GTF2F2: variants seen among roughly 807,000 people sequenced by gnomAD.
GTF2F2 encodes the protein ATP-dependent helicase GTF2F2.
GTF2F2 carries 23 observed loss-of-function variants against 42.2 expected under a neutral mutation model. The ratio of observed to expected loss-of-function variants is 0.55; its 90% CI spans 0.39 to 0.77. The LOEUF (loss-of-function observed/expected upper bound fraction) is 0.77, where lower values mean the gene tolerates loss of function less well. Ranked by LOEUF, GTF2F2 falls within the 30% of genes least tolerant of loss-of-function variation. The probability of loss-of-function intolerance (pLI) is 0.00; values close to 1 mark genes in which losing one functional copy is unlikely to be tolerated. For missense variants in GTF2F2, 261 were observed against 287.2 expected (o/e 0.91, Z 0.66); for synonymous variants, 105 against 100.8 (o/e 1.04, Z -0.25).
At chr13:45,272,516 G>GAGGATTGCTTGAGCTCA (rs1876842474) in intron 7 of GTF2F2, among the ~76,000 whole-genome samples, 1 of 150,566 alleles carries the variant, frequency 6.6e-6, no homozygotes, top group Non-Finnish European at 1.5e-5. Flanking sequence ...GCCAAGGTGA[G>GAGGATTGCTTGAGCTCA]AGGATTGCTT....
chr13:45,138,927 G>A (rs1341921135), intron 2 of GTF2F2, among the ~76,000 whole-genome samples: 1 of 152,176 alleles, frequency 6.6e-6, no homozygotes, highest in Non-Finnish European at 1.5e-5. Flanking sequence ...ATTACAGGCG[G>A]TAGCCACTGT....
At chr13:45,227,509 C>T (rs1436104818) in intron 5 of GTF2F2, among the ~76,000 whole-genome samples, 1 of 152,168 alleles carries the variant, frequency 6.6e-6, no homozygotes, top group Non-Finnish European at 1.5e-5. Flanking sequence ...TTATCTACAG[C>T]TTATATGTCA....
chr13:45,137,462 A>G (rs1247834452), intron 2 of GTF2F2, among the ~76,000 whole-genome samples: 1 of 152,200 alleles, frequency 6.6e-6, no homozygotes, highest in Non-Finnish European at 1.5e-5. Context: ...GCTTCATAAC[A>G]AACCATCCCA....
In GTF2F2 at chr13:45,266,450, G is replaced by A. The variant is rs1024445724; in HGVS notation, c.487-783G>A. Among the ~76,000 whole-genome samples the A allele has an allele frequency of 7.9e-5, 12 of 152,260 alleles. No individual in the cohort carries two copies. The South Asian group carries it at 1.0e-3, about 13-fold the overall frequency. On this transcript the variant is annotated intron_variant, in intron 6 of 7. Transcript: ENST00000340473. ...TCCATGTCCTTTCCTTTTTACCAAT[G>A]CTTCCCAAACTTTTCACTCCGTAAA...
At chr13:45,245,040 AG>A (rs1351279035) in intron 5 of GTF2F2, among the ~76,000 whole-genome samples, 1 of 152,200 alleles carries the variant, frequency 6.6e-6, no homozygotes, top group Non-Finnish European at 1.5e-5. Flanking sequence ...TTTTAATATA[AG>A]TGTGAGACAG....
At chr13:45,189,336 TATTGTGAATAGTGCCGCAATAAAC>T (rs1414524639) in intron 4 of GTF2F2, among the ~76,000 whole-genome samples, 1 of 152,208 alleles carries the variant, frequency 6.6e-6, no homozygotes, top group Non-Finnish European at 1.5e-5. Flanking sequence ...AAGTCTTTGC[TATTGTGAATAGTGCCGCAATAAAC>T]ATACGTGTGC....
At chr13:45,213,982 G>A (rs888824264) in intron 5 of GTF2F2, among the ~76,000 whole-genome samples, 1 of 152,142 alleles carries the variant, frequency 6.6e-6, no homozygotes, top group Admixed American at 6.5e-5. Flanking sequence ...AGGACTAGAA[G>A]AGAAAGGCTT....
At chr13:45,170,197 A>T (rs1050141586) in intron 4 of GTF2F2, among the ~76,000 whole-genome samples, 3 of 152,044 alleles carry the variant, frequency 2.0e-5, no homozygotes, top group Non-Finnish European at 2.9e-5. Flanking sequence ...CTAATTTTTT[A>T]AAATGTTTTT....
chr13:45,245,577 CT>C (rs1396445540), intron 5 of GTF2F2, among the ~76,000 whole-genome samples: 1 of 151,118 alleles, frequency 6.6e-6, no homozygotes, highest in African/African-American at 2.4e-5. Context: ...AGATACTTCA[CT>C]TAGAATAACG....
intron 7 of GTF2F2, among the ~76,000 whole-genome samples, chr13:45,273,877 C>CGCTAGAAAGACTTGGTTTTGGGCTT (rs1241211215): frequency 1.3e-5 from 2 of 152,026 alleles, no homozygotes; most frequent in Non-Finnish European, 2.9e-5. Flanking sequence ...TTCCTGAACA[C>CGCTAGAAAGACTTGGTTTTGGGCTT]GCTAGAAAGA....
intron 7 of GTF2F2, among the ~76,000 whole-genome samples, chr13:45,280,476 T>G (rs1245307189): frequency 6.6e-6 from 1 of 152,186 alleles, no homozygotes; most frequent in Non-Finnish European, 1.5e-5. Flanking sequence ...AGTAAAATGG[T>G]CTTAGGTTGC....
intron 6 of GTF2F2, among the ~76,000 whole-genome samples, chr13:45,266,917 GCAGGTGGATCAC>G (rs1304356138): frequency 6.6e-6 from 1 of 152,220 alleles, no homozygotes; most frequent in African/African-American, 2.4e-5. Flanking sequence ...GGAGGCTGAG[GCAGGTGGATCAC>G]CTGAGGTCAG....
At chr13:45,196,979 G>A (rs1256667848) in intron 4 of GTF2F2, among the ~76,000 whole-genome samples, 1 of 151,924 alleles carries the variant, frequency 6.6e-6, no homozygotes, top group Non-Finnish European at 1.5e-5. Context: ...CTGCAGGCTT[G>A]CCTGAACAGA....
chr13:45,221,369 A>G (rs756597881), intron 5 of GTF2F2, among the ~76,000 whole-genome samples: 22 of 152,188 alleles, frequency 1.4e-4, no homozygotes, highest in Non-Finnish European at 2.8e-4. Flanking sequence ...AGGACTGACT[A>G]TATAATCTGC....
At position 45,190,414 on chromosome 13, in the gene GTF2F2, C is replaced by T. The variant is rs182899709; in HGVS notation, c.305-17010C>T. Among the ~76,000 whole-genome samples, 17 of 152,262 alleles carry T rather than the reference C, an allele frequency of 1.1e-4. No homozygotes were observed. In the East Asian group the frequency reaches 1.3e-3, roughly 12 times the overall value. On this transcript the variant is annotated intron_variant, in intron 4 of 7. Coordinates refer to ENST00000340473, the MANE Select transcript of GTF2F2 (RefSeq NM_004128.3). ...CCTTGTGAATGCCTGTTTTCTGCCA[C>T]GTTCTAGGTGTTAGGGATATAAGTG...
At chr13:45,183,399 A>G (rs1872255792) in intron 4 of GTF2F2, among the ~76,000 whole-genome samples, 1 of 152,104 alleles carries the variant, frequency 6.6e-6, no homozygotes, top group South Asian at 2.1e-4. Flanking sequence ...TTCCATCCTC[A>G]GGGGGATCCA....
At chr13:45,156,928 A>T (rs747316292) in intron 4 of GTF2F2, among the ~76,000 whole-genome samples, 5 of 152,188 alleles carry the variant, frequency 3.3e-5, no homozygotes, top group Non-Finnish European at 7.3e-5. Flanking sequence ...ATGCTTTAAC[A>T]AGCAAAGGCT....
intron 2 of GTF2F2, among the ~76,000 whole-genome samples, chr13:45,148,428 T>TGA (rs1435055303): frequency 6.6e-6 from 1 of 152,224 alleles, no homozygotes; most frequent in Non-Finnish European, 1.5e-5. Flanking sequence ...TAGCCAAGTC[T>TGA]GATCACTCAT....
At chr13:45,161,933 G>C (rs1448087213) in intron 4 of GTF2F2, among the ~76,000 whole-genome samples, 1 of 151,880 alleles carries the variant, frequency 6.6e-6, no homozygotes, top group African/African-American at 2.4e-5. Context: ...TACACTTTTA[G>C]GTATTTATTC....
Sources: allele counts gnomAD v4.1 joint callset (sites outside exome capture counted in the v4.1 genomes callset), GRCh38; gene constraint gnomAD v4.1.1; transcripts MANE v1.5; gene names NCBI Gene and HGNC (gene_info 2026-07-23, HGNC 2026-07-21).